The following FOXC1 variants were observed in gnomAD, a reference collection of about 807,000 sequenced individuals.
FOXC1 encodes the protein forkhead box protein C1.
A neutral mutation model predicts 8.1 loss-of-function variants in FOXC1; 5 were observed. The observed-to-expected ratio is 0.62, with a 90% confidence interval of 0.32 to 1.30. The LOEUF is 1.30. FOXC1 is among the 50% of genes most tolerant of loss of function. The probability of loss-of-function intolerance (pLI) is 0.05; values close to 1 mark genes in which losing one functional copy is unlikely to be tolerated. For missense variants in FOXC1, 942 were observed against 858.0 expected (o/e 1.10, Z -1.22); for synonymous variants, 552 against 417.2 (o/e 1.32, Z -3.94).
chr6:1,612,122 C>A lies in FOXC1; in HGVS notation c.*15C>A, dbSNP rs569615621. 3.1e-6 allele frequency: 5 copies of A among 1,613,662 alleles called. No individual in the cohort carries two copies. The highest frequency in any genetic ancestry group is 3.4e-6 in the Non-Finnish European group (4 of 1,179,998). ...GCAAGTTTTGACACACCCTCAAAGCCGAACTAAATCGAACCCCAAAGCAGG... is the reference window on the plus strand; with the variant it reads ...GCAAGTTTTGACACACCCTCAAAGCAGAACTAAATCGAACCCCAAAGCAGG... On this transcript the variant is annotated 3_prime_UTR_variant, in exon 1 of 1. Transcript: ENST00000645831.
At position 1,610,533 on chromosome 6, in the gene FOXC1, G is replaced by T; in HGVS notation, c.88G>T (p.Ala30Ser). Residue 30 changes from alanine (A) to serine (S), a missense_variant, in exon 1 of 1, where the codon GCC (alanine) becomes TCC (serine). Ala to Ser is a moderately conservative substitution (Grantham distance 99, BLOSUM62 1). Transcript: ENST00000645831. ...GGEQSYYRAAAAAAGGGYTAM... is the reference protein window; with the variant it reads ...GGEQSYYRAASAAAGGGYTAM... ...CGAGCAGAGCTACTACCGCGCGGCG[G>T]CCGCGGCGGCCGGGGGCGGCTACAC... The T allele has an allele frequency of 6.5e-7, 1 of 1,534,074 alleles. No homozygotes were observed. The highest frequency in any genetic ancestry group is 8.8e-7 in the Non-Finnish European group (1 of 1,140,604).
In FOXC1 at chr6:1,610,946, C is replaced by T. The variant is rs773527470; in HGVS notation, c.501C>T (p.Phe167=). ...ACAACATGTTCGAGAACGGCAGCTT[C>T]CTGCGGCGGCGGCGGCGCTTCAAGA... ...DSYNMFENGS[F]LRRRRRFKKK... The change falls in exon 1 of 1, where the codon TTC becomes TTT. Residue 167 remains phenylalanine, a synonymous_variant. Transcript: ENST00000645831. 2 of 1,613,622 alleles carry T rather than the reference C, an allele frequency of 1.2e-6. No homozygotes were observed. The highest frequency in any genetic ancestry group is 1.1e-5 in the South Asian group (1 of 91,082).
rs955862539 is a variant in FOXC1 at position 1,610,420 on chromosome 6, G to A, written c.-26G>A. ...GAGCGAGGGTGGGGGGCGGCGGGCGGCGCGGGGCGGCGGCGAGCGGGGGCC... is the reference window on the plus strand; with the variant it reads ...GAGCGAGGGTGGGGGGCGGCGGGCGACGCGGGGCGGCGGCGAGCGGGGGCC... On this transcript the variant is annotated 5_prime_UTR_variant, in exon 1 of 1. Coordinates refer to ENST00000645831, the MANE Select transcript of FOXC1 (RefSeq NM_001453.3). 20 of 1,230,878 alleles carry A rather than the reference G, an allele frequency of 1.6e-5. No homozygotes were observed. Among genetic ancestry groups the A allele is most frequent in the Admixed American group, 1.3e-4 (3 of 22,430 alleles). 76.2% of individuals were successfully genotyped at this position (1,230,878 alleles called of 1,614,324 possible).
In FOXC1 at chr6:1,611,587, C is replaced by CGT. The variant is rs1762550068; in HGVS notation, c.1143_1144insTG (p.Gly382TrpfsTer20). 7.2e-6 allele frequency: 7 copies of CGT among 966,528 alleles called. No homozygotes were observed. In the East Asian group the frequency reaches 2.6e-4, roughly 36 times the overall value. 59.9% of individuals were successfully genotyped at this position (966,528 alleles called of 1,614,324 possible). ...AGCTCGGGCGGCGGCGGCGGCGGCG[C>CGT]GGGGGCCGCGGGGGGCGCGGGCGGC... On this transcript the variant is annotated frameshift_variant, in exon 1 of 1. Transcript: ENST00000645831. LOFTEE classifies it low-confidence loss of function (END_TRUNC). The surrounding 1 kb of genome is among the most constrained non-coding windows in gnomAD (Gnocchi z 7.1).
Position 1,610,832 on chromosome 6 carries a change from C to T in FOXC1, c.387C>T (p.Asn129=), listed in dbSNP as rs751776784. The part of the protein sequence containing the change: ...KQGWQNSIRH[N]LSLNECFVKV... ...GCTGGCAGAACAGCATCCGCCACAA[C>T]CTCTCGCTCAACGAGTGCTTCGTCA... is the stretch of plus-strand genomic sequence containing the variant. Residue 129 remains asparagine, a synonymous_variant, in exon 1 of 1, where the codon AAC becomes AAT. Coordinates refer to ENST00000645831, the MANE Select transcript of FOXC1 (RefSeq NM_001453.3). The T allele has an allele frequency of 2.2e-5, 36 of 1,614,016 alleles. No individual in the cohort carries two copies. Among genetic ancestry groups the T allele is most frequent in the Middle Eastern group, 1.6e-4 (1 of 6,084 alleles).
In FOXC1 at chr6:1,610,571, C is replaced by T. The variant is rs1235193730; in HGVS notation, c.126C>T (p.Ala42=). Residue 42 remains alanine (A), a synonymous_variant, in exon 1 of 1, where the codon GCC becomes GCT. Coordinates refer to ENST00000645831, the MANE Select transcript of FOXC1 (RefSeq NM_001453.3). ...GGGGCGGCTACACCGCCATGCCGGC[C>T]CCCATGAGCGTGTACTCGCACCCTG... The part of the protein sequence containing the change: ...AAGGGYTAMP[A]PMSVYSHPAH... The T allele has an allele frequency of 6.9e-6, 11 of 1,583,142 alleles. No individual in the cohort carries two copies. Among genetic ancestry groups the T allele is most frequent in the Non-Finnish European group, 9.4e-6 (11 of 1,165,894 alleles).
Position 1,610,324 on chromosome 6 carries a change from C to A in FOXC1, c.-122C>A, listed in dbSNP as rs1762511714. On this transcript the variant is annotated 5_prime_UTR_variant, in exon 1 of 1. Transcript: ENST00000645831. ...GGCGGCAGCGCAGCCGGACGCACAGCGCAGCGGGCCGGCACCAGCTCGGCC... is the reference window on the plus strand; with the variant it reads ...GGCGGCAGCGCAGCCGGACGCACAGAGCAGCGGGCCGGCACCAGCTCGGCC... 2.3e-6 allele frequency: 1 copy of A among 441,942 alleles called. No individual in the cohort carries two copies. The highest frequency in any genetic ancestry group is 3.0e-6 in the Non-Finnish European group (1 of 335,130). The allele number at this position is 441,942 out of a possible 1,614,324, so 27.4% of individuals were successfully genotyped here. A position where few individuals can be genotyped will look rare whatever the true frequency, so the allele number is the denominator to read the frequency against.
Position 1,610,294 on chromosome 6 carries a change from G to C in FOXC1, c.-152G>C, listed in dbSNP as rs1362306428. ...GAGGAGCCAGCCCCAGCGAGCGCCG[G>C]GAGAGGCGGCAGCGCAGCCGGACGC... On this transcript the variant is annotated 5_prime_UTR_variant, in exon 1 of 1. Transcript: ENST00000645831. 2 of 294,420 alleles carry C rather than the reference G, an allele frequency of 6.8e-6. No homozygotes were observed. The highest frequency in any genetic ancestry group is 1.0e-5 in the Non-Finnish European group (2 of 199,372). The allele number at this position is 294,420 out of a possible 1,614,324, so 18.2% of individuals were successfully genotyped here. A position where few individuals can be genotyped will look rare whatever the true frequency, so the allele number is the denominator to read the frequency against.
rs1489771788 is a variant in FOXC1, at chr6:1,611,073, G to A, written c.628G>A (p.Asp210Asn). The change falls in exon 1 of 1, where the codon GAC (aspartate) becomes AAC (asparagine). Residue 210 changes from aspartate to asparagine, a missense_variant. Asp to Asn is a conservative substitution (Grantham distance 23). Coordinates refer to ENST00000645831, the MANE Select transcript of FOXC1 (RefSeq NM_001453.3). This position sits in a 1 kb window ranked among gnomAD's most constrained non-coding sequence, Gnocchi z 7.1. ...QPPPAPPEQADGNAPGPQPPP... is the reference protein window; with the variant it reads ...QPPPAPPEQANGNAPGPQPPP... ...CCCGCCCGCGCCGCCGGAGCAGGCC[G>A]ACGGCAACGCGCCCGGTCCGCAGCC... is the stretch of plus-strand genomic sequence containing the variant. 1.4e-6 allele frequency: 2 copies of A among 1,417,002 alleles called. No homozygotes were observed. The highest frequency in any genetic ancestry group is 1.8e-6 in the Non-Finnish European group (2 of 1,084,254). The allele number at this position is 1,417,002 out of a possible 1,614,324, so 87.8% of individuals were successfully genotyped here. A position where few individuals can be genotyped will look rare whatever the true frequency, so the allele number is the denominator to read the frequency against.
In FOXC1 at chr6:1,611,161, C is replaced by A. The variant is rs764413960; in HGVS notation, c.716C>A (p.Pro239His). 6.9e-7 allele frequency: 1 copy of A among 1,454,328 alleles called. No homozygotes were observed. The highest frequency in any genetic ancestry group is 9.1e-7 in the Non-Finnish European group (1 of 1,098,372). The allele number at this position is 1,454,328 out of a possible 1,614,324, so 90.1% of individuals were successfully genotyped here. The change falls in exon 1 of 1, where the codon CCC (proline) becomes CAC (histidine). Residue 239 changes from proline (P) to histidine (H), a missense_variant. Around this residue, in one of 4 missense-constraint regions of FOXC1, gnomAD observed 726 missense variants for 599.6 expected, o/e 1.21. Transcript: ENST00000645831. This position sits in a 1 kb window ranked among gnomAD's most constrained non-coding sequence, Gnocchi z 7.1. ...GGTACGTGCCCCTCGCCGCCCCAGC[C>A]CCTGTCCCCGGCCGCCGCCCTGGGC... ...ENGTCPSPPQPLSPAAALGSG... is the reference protein window; with the variant it reads ...ENGTCPSPPQHLSPAAALGSG...
rs1762572810 is a variant in FOXC1, at chr6:1,612,319, C to T, written c.*212C>T. The T allele has an allele frequency of 2.8e-6, 2 of 714,684 alleles. No homozygotes were observed. Among genetic ancestry groups the T allele is most frequent in the Non-Finnish European group, 4.7e-6 (2 of 427,372 alleles). 44.3% of individuals were successfully genotyped at this position (714,684 alleles called of 1,614,324 possible). ...ATTTTCTTAACCGATTAATTCAGAG[C>T]CACCTCCACTTTGCCTTGTCTAAAT... is the stretch of plus-strand genomic sequence containing the variant. On this transcript the variant is annotated 3_prime_UTR_variant, in exon 1 of 1. Coordinates refer to ENST00000645831, the MANE Select transcript of FOXC1 (RefSeq NM_001453.3).
rs1332467460 is a variant in FOXC1, at chr6:1,613,073, T to C, written c.*966T>C. The C allele has an allele frequency of 4.2e-6, 1 of 236,336 alleles. No individual in the cohort carries two copies. The highest frequency in any genetic ancestry group is 9.0e-6 in the Non-Finnish European group (1 of 110,898). 14.6% of individuals were successfully genotyped at this position (236,336 alleles called of 1,614,324 possible). On this transcript the variant is annotated 3_prime_UTR_variant, in exon 1 of 1. Coordinates refer to ENST00000645831, the MANE Select transcript of FOXC1 (RefSeq NM_001453.3). ...GTAAAAAGATATTTTTCTAAACAGA[T>C]TGGAGTTGGCATATAAACAAATACG...
Position 1,611,385 on chromosome 6 carries a change from A to C in FOXC1, c.940A>C (p.Met314Leu). 1 of 1,450,390 alleles carries C rather than the reference A, an allele frequency of 6.9e-7. No homozygotes were observed. Among genetic ancestry groups the C allele is most frequent in the Non-Finnish European group, 9.1e-7 (1 of 1,103,514 alleles). 89.8% of individuals were successfully genotyped at this position (1,450,390 alleles called of 1,614,324 possible). ...HSQGFSVDNI[M>L]TSLRGSPQSA... ...CCAGGGCTTCAGCGTGGACAACATC[A>C]TGACGTCGCTGCGGGGGTCGCCGCA... The change falls in exon 1 of 1, where the codon ATG becomes CTG. Residue 314 changes from methionine to leucine, a missense_variant. Around this residue, in one of 4 missense-constraint regions of FOXC1, gnomAD observed 726 missense variants for 599.6 expected, o/e 1.21. Transcript: ENST00000645831. This position sits in a 1 kb window ranked among gnomAD's most constrained non-coding sequence, Gnocchi z 7.1.
At position 1,611,858 on chromosome 6, in the gene FOXC1, C is replaced by T; in HGVS notation, c.1413C>T (p.Thr471=). 4 of 1,541,412 alleles carry T rather than the reference C, an allele frequency of 2.6e-6. No homozygotes were observed. The highest frequency in any genetic ancestry group is 3.5e-6 in the Non-Finnish European group (4 of 1,142,712). Residue 471 remains threonine (T), a synonymous_variant, in exon 1 of 1, where the codon ACC becomes ACT. Transcript: ENST00000645831. This position sits in a 1 kb window ranked among gnomAD's most constrained non-coding sequence, Gnocchi z 7.1. ...HHPAAHQGRL[T]SWYLNQAGGD... The stretch of plus-strand genomic sequence containing the variant: ...CTGCGGCCCACCAAGGCCGCCTCAC[C>T]TCGTGGTACCTGAACCAGGCGGGCG...
Position 1,611,790 on chromosome 6 carries a change from G to A in FOXC1, c.1345G>A (p.Gly449Ser), listed in dbSNP as rs1762557997. The part of the protein sequence containing the change: ...SSSSSLSHGG[G>S]GGGGGGGQEA... ...CTCGTCGTCCCTGAGTCACGGCGGC[G>A]GCGGCGGCGGCGGCGGGGGAGGCCA... Residue 449 changes from glycine (G) to serine (S), a missense_variant, in exon 1 of 1, where the codon GGC becomes AGC. Physicochemically the swap from Gly to Ser is moderately conservative, Grantham distance 56 (BLOSUM62 0). Transcript: ENST00000645831. This position sits in a 1 kb window ranked among gnomAD's most constrained non-coding sequence, Gnocchi z 7.1. 3 of 1,457,870 alleles carry A rather than the reference G, an allele frequency of 2.1e-6. No homozygotes were observed. Among genetic ancestry groups the A allele is most frequent in the East Asian group, 2.9e-5 (1 of 34,088 alleles). 90.3% of individuals were successfully genotyped at this position (1,457,870 alleles called of 1,614,324 possible).
Position 1,613,385 on chromosome 6 carries a change from G to T in FOXC1, c.*1278G>T, listed in dbSNP as rs1420573877. The T allele has an allele frequency of 4.4e-6, 1 of 228,308 alleles. No homozygotes were observed. Among genetic ancestry groups the T allele is most frequent in the East Asian group, 7.2e-5 (1 of 13,958 alleles). 14.1% of individuals were successfully genotyped at this position (228,308 alleles called of 1,614,324 possible). On this transcript the variant is annotated 3_prime_UTR_variant, in exon 1 of 1. Coordinates refer to ENST00000645831, the MANE Select transcript of FOXC1 (RefSeq NM_001453.3). Reference sequence around the variant, plus strand: ...TTCTCCCCCATTTACAATCCTTCATGTATTACATAGAAGGATTGCTTTTTT... The same window carrying T: ...TTCTCCCCCATTTACAATCCTTCATTTATTACATAGAAGGATTGCTTTTTT...
Position 1,611,349 on chromosome 6 carries a change from C to T in FOXC1, c.904C>T (p.Pro302Ser). ...PPPPAPSAPP[P>S]HHSQGFSVDN... ...GCCGCCCGCGCCCTCCGCCCCGCCG[C>T]CGCACCATAGCCAGGGCTTCAGCGT... The change falls in exon 1 of 1, where the codon CCG becomes TCG. Residue 302 changes from proline (P) to serine (S), a missense_variant. Physicochemically the swap from Pro to Ser is moderately conservative, Grantham distance 74 (BLOSUM62 -1). Transcript: ENST00000645831. This position sits in a 1 kb window ranked among gnomAD's most constrained non-coding sequence, Gnocchi z 7.1. The T allele has an allele frequency of 7.0e-7, 1 of 1,431,446 alleles. No individual in the cohort carries two copies. The allele number at this position is 1,431,446 out of a possible 1,614,324, so 88.7% of individuals were successfully genotyped here.
rs1762554122 is a variant in FOXC1, at chr6:1,611,699, C to T, written c.1254C>T (p.Gly418=). The T allele has an allele frequency of 7.0e-7, 1 of 1,432,994 alleles. No homozygotes were observed. Among genetic ancestry groups the T allele is most frequent in the Non-Finnish European group, 9.1e-7 (1 of 1,099,844 alleles). 88.8% of individuals were successfully genotyped at this position (1,432,994 alleles called of 1,614,324 possible). ...GCCACTTGCAGGGCGCGCCCGGGGG[C>T]GCGGGCGGCTCGGCCGTGGACGACC... The part of the protein sequence containing the change: ...RGGHLQGAPG[G]AGGSAVDDPL... Residue 418 remains glycine, a synonymous_variant, in exon 1 of 1, where the codon GGC becomes GGT. Transcript: ENST00000645831. This position sits in a 1 kb window ranked among gnomAD's most constrained non-coding sequence, Gnocchi z 7.1.
rs1561676031 is a variant in FOXC1 at position 1,611,804 on chromosome 6, C to CGTA, written c.1360_1361insTAG (p.Gly453_Gly454insVal). ...GTCACGGCGGCGGCGGCGGCGGCGGCGGGGGAGGCCAGGAGGCCGGCCACC... is the reference window on the plus strand; with the variant it reads ...GTCACGGCGGCGGCGGCGGCGGCGGCGTAGGGGGAGGCCAGGAGGCCGGCCACC... On this transcript the variant is annotated inframe_insertion, in exon 1 of 1. Transcript: ENST00000645831. This position sits in a 1 kb window ranked among gnomAD's most constrained non-coding sequence, Gnocchi z 7.1. 1 of 1,458,840 alleles carries CGTA rather than the reference C, an allele frequency of 6.9e-7. No homozygotes were observed. Among genetic ancestry groups the CGTA allele is most frequent in the South Asian group, 1.4e-5 (1 of 73,864 alleles). 90.4% of individuals were successfully genotyped at this position (1,458,840 alleles called of 1,614,324 possible). A position where few individuals can be genotyped will look rare whatever the true frequency, so the allele number is the denominator to read the frequency against.
Sources: gnomAD v4.1 joint callset for allele counts on GRCh38, gnomAD v4.1.1 for gene constraint, gnomAD v4.1.1 regional missense constraint, Gnocchi (gnomAD v3.1) non-coding constraint, MANE v1.5 for transcripts, NCBI Gene and HGNC (gene_info 2026-07-23, HGNC 2026-07-21) for gene names.